The following USP34 variants were observed in gnomAD, a reference collection of about 807,000 sequenced individuals.
The protein encoded by USP34 is ubiquitin specific peptidase 34.
A neutral mutation model predicts 460.3 loss-of-function variants in USP34; 70 were observed. The observed-to-expected ratio is 0.15, with a 90% CI of 0.13 to 0.19. The LOEUF (loss-of-function observed/expected upper bound fraction) is 0.19. USP34 is among the 10% of genes least tolerant of loss of function. USP34 has a pLI of 1.00. For synonymous variants in USP34, 1,647 were observed against 1,405.3 expected (o/e 1.17, Z -3.85); for missense variants, 3,985 against 4,236.2 (o/e 0.94, Z 1.65).
At chr2:61,408,040 G>A (rs1421191482) in intron 2 of USP34, among the ~76,000 whole-genome samples, 1 of 152,088 alleles carries the variant, frequency 6.6e-6, no homozygotes, top group African/African-American at 2.4e-5. Flanking sequence ...ACTTGAACCG[G>A]GGAAACAAAG....
intron 18 of USP34, among the ~76,000 whole-genome samples, chr2:61,338,477 T>C (rs1691494109): frequency 6.6e-6 from 1 of 152,206 alleles, no homozygotes; most frequent in African/African-American, 2.4e-5. Flanking sequence ...AAATATAGCA[T>C]GTACTTTTAA....
chr2:61,418,612 T>A (rs1195685257), intron 2 of USP34, among the ~76,000 whole-genome samples: 1 of 152,214 alleles, frequency 6.6e-6, no homozygotes, highest in Non-Finnish European at 1.5e-5. Flanking sequence ...TATCCATGCT[T>A]TATTAGTACC....
chr2:61,217,796 T>C (rs866243881), intron 67 of USP34, among the ~76,000 whole-genome samples: 3 of 151,626 alleles, frequency 2.0e-5, no homozygotes, highest in African/African-American at 4.8e-5. Flanking sequence ...CTACTAAAAA[T>C]ACAAAAAAAT....
At chr2:61,321,217 A>C (rs1284476772) in intron 21 of USP34, among the ~76,000 whole-genome samples, 2 of 152,114 alleles carry the variant, frequency 1.3e-5, no homozygotes, top group African/African-American at 4.8e-5. Flanking sequence ...TCATGCCTGT[A>C]ATCCCAGCAC....
At chr2:61,358,779 C>T (rs1229071834) in intron 10 of USP34, among the ~76,000 whole-genome samples, 1 of 152,050 alleles carries the variant, frequency 6.6e-6, no homozygotes, top group Admixed American at 6.6e-5. Flanking sequence ...TTGCAAGGAA[C>T]AAGATCAAAA....
intron 34 of USP34, among the ~76,000 whole-genome samples, chr2:61,286,079 G>C (rs1174904037): frequency 6.6e-6 from 1 of 152,150 alleles, no homozygotes; most frequent in Non-Finnish European, 1.5e-5. Context: ...TGGCAGAAGT[G>C]AGAAAACTTC....
chr2:61,202,347 A>C (rs7607173), intron 75 of USP34, among the ~76,000 whole-genome samples: 3,983 of 152,242 alleles, frequency 0.026, 188 homozygotes, highest in African/African-American at 0.092. Context: ...TCCCACTCTG[A>C]AAACTATAGA....
intron 61 of USP34, among the ~76,000 whole-genome samples, chr2:61,227,467 T>G (rs1270138214): frequency 3.3e-5 from 5 of 152,092 alleles, no homozygotes; most frequent in Non-Finnish European, 7.4e-5. Context: ...TCCCAGCATT[T>G]TGGAAGGCTG....
At chr2:61,414,747 T>C (rs1449184299) in intron 2 of USP34, among the ~76,000 whole-genome samples, 1 of 152,194 alleles carries the variant, frequency 6.6e-6, no homozygotes, top group African/African-American at 2.4e-5. Context: ...AAGGACCCAG[T>C]TACAGAATTT....
chr2:61,234,694 G>A (rs12621879), intron 57 of USP34, among the ~76,000 whole-genome samples: 50,826 of 152,000 alleles, frequency 0.33, 8,582 homozygotes, highest in Non-Finnish European at 0.38. Context: ...AGGCTGGAGT[G>A]CAGTGGTGTG....
chr2:61,394,459 G>C (rs1370877569), intron 5 of USP34, among the ~76,000 whole-genome samples: 2 of 151,082 alleles, frequency 1.3e-5, no homozygotes, highest in African/African-American at 4.9e-5. Flanking sequence ...TACTCAGGAG[G>C]GTGAGGTGGG....
rs577753731 is a variant in USP34, at chr2:61,388,428, C to T, written c.754-5092G>A. On this transcript the variant is annotated intron_variant, in intron 5 of 79. Coordinates refer to ENST00000398571, the MANE Select transcript of USP34 (RefSeq NM_014709.4). ...ACCCAAGTTTGAAAATATGCATACT[C>T]GAGGGGATGTGGGGGTACAGGGGAG... Among the ~76,000 whole-genome samples, 16 of 142,782 alleles carry T rather than the reference C, an allele frequency of 1.1e-4. No individual in the cohort carries two copies. The South Asian group carries it at 1.1e-3, about 10-fold the overall frequency. The allele number at this position is 142,782 out of a possible 152,430, so 93.7% of individuals were successfully genotyped here. A position where few individuals can be genotyped will look rare whatever the true frequency, so the allele number is the denominator to read the frequency against.
At chr2:61,194,708 C>A (rs890161694) in intron 75 of USP34, among the ~76,000 whole-genome samples, 8 of 152,352 alleles carry the variant, frequency 5.3e-5, no homozygotes, top group African/African-American at 9.6e-5. Context: ...GTAATCCCAA[C>A]ACTTTGGGAG....
At chr2:61,436,079 T>A (rs1404173136) in intron 1 of USP34, among the ~76,000 whole-genome samples, 1 of 151,886 alleles carries the variant, frequency 6.6e-6, no homozygotes, top group South Asian at 2.1e-4. Flanking sequence ...AACAAAAAAA[T>A]TCAACAATAT....
chr2:61,256,521 T>C (rs1267778448), intron 47 of USP34, 43 bp from the exon 48 acceptor site: 7 of 1,446,004 alleles, frequency 4.8e-6, no homozygotes, highest in Middle Eastern at 3.6e-4. Flanking sequence ...TTATTGTTTA[T>C]AGCATGCAAA....
At chr2:61,330,682 G>A (rs539405748) in intron 20 of USP34, among the ~76,000 whole-genome samples, 3 of 152,214 alleles carry the variant, frequency 2.0e-5, no homozygotes, top group Admixed American at 2.0e-4. Flanking sequence ...GAAATCTTCT[G>A]AATCTCCTAT....
chr2:61,348,206 T>G lies in USP34; in HGVS notation c.1949A>C (p.Gln650Pro). ...GGAGTCCCCCAGGCAAATGCCTGCT[T>G]GACTCTCTAACTTTCTATTCCGAAG... ...TDLRNRKLES[Q>P]AGICLGDSQG... is the part of the protein sequence containing the mutation. Residue 650 changes from glutamine to proline, a missense_variant, in exon 15 of 80, where the codon CAA (glutamine) becomes CCA (proline). This residue lies in a region of USP34 where 716 missense variants were observed against 626.2 expected (regional missense o/e 1.14). Coordinates refer to ENST00000398571, the MANE Select transcript of USP34 (RefSeq NM_014709.4). The G allele has an allele frequency of 6.2e-7, 1 of 1,614,228 alleles. No individual in the cohort carries two copies. The highest frequency in any genetic ancestry group is 2.2e-5 in the East Asian group (1 of 44,894).
rs1049596262 is a variant in USP34, at chr2:61,236,233, A to G, written c.6846T>C (p.Phe2282=). 4.3e-6 allele frequency: 7 copies of G among 1,609,334 alleles called. No individual in the cohort carries two copies. Among genetic ancestry groups the G allele is most frequent in the East Asian group, 4.5e-5 (2 of 44,726 alleles). Residue 2282 remains phenylalanine (F), a synonymous_variant, in exon 55 of 80, where the codon TTT becomes TTC. Transcript: ENST00000398571. ...KNIFEHTYFG[F]MWQLCSCIPS... is the part of the protein sequence containing the mutation. Reference sequence around the variant, plus strand: ...GAATACAACTACACAATTGCCACATAAATCTAGAATTTAAAAATAATCATT... The same window carrying G: ...GAATACAACTACACAATTGCCACATGAATCTAGAATTTAAAAATAATCATT...
chr2:61,265,545 T>A lies in USP34; in HGVS notation c.5630A>T (p.Tyr1877Phe). The A allele has an allele frequency of 6.2e-7, 1 of 1,609,678 alleles. No individual in the cohort carries two copies. Residue 1877 changes from tyrosine to phenylalanine, a missense_variant, in exon 43 of 80, where the codon TAT becomes TTT. This residue lies in a region of USP34 where 1,114 missense variants were observed against 1,122.5 expected (regional missense o/e 0.99). Transcript: ENST00000398571. The part of the protein sequence containing the change: ...MAQHMQSHAP[Y>F]KWDYWPHEDV... ...TTCATGAGGCCAGTAATCCCATTTA[T>A]AAGGTGCATGGGCTGCTGAAGAAAG... is the stretch of plus-strand genomic sequence containing the variant.
Sources: gnomAD v4.1 joint callset for allele counts (sites outside exome capture counted in the v4.1 genomes callset) on GRCh38, gnomAD v4.1.1 for gene constraint, gnomAD v4.1.1 regional missense constraint, MANE v1.5 for transcripts, NCBI Gene and HGNC (gene_info 2026-07-23, HGNC 2026-07-21) for gene names.